PLGRKT: variants seen among roughly 807,000 people sequenced by gnomAD.
The protein encoded by PLGRKT is plasminogen receptor with a C-terminal lysine, also known as plasminogen receptor (KT).
A neutral mutation model predicts 18.5 loss-of-function variants in PLGRKT; 22 were observed. The ratio of observed to expected loss-of-function variants is 1.19; its 90% CI spans 0.85 to 1.70. The LOEUF is 1.70. PLGRKT is among the 40% of genes most tolerant of loss of function. The probability of loss-of-function intolerance (pLI) is 0.00; values close to 1 mark genes in which losing one functional copy is unlikely to be tolerated. For synonymous variants in PLGRKT, 72 were observed against 52.8 expected (o/e 1.36, Z -1.58); for missense variants, 235 against 174.4 (o/e 1.35, Z -1.96).
chr9:5,396,839 T>C (rs1818059032), intron 3 of PLGRKT, among the ~76,000 whole-genome samples: 1 of 151,976 alleles, frequency 6.6e-6, no homozygotes, highest in African/African-American at 2.4e-5. Context: ...TGGATAAATC[T>C]ACAACTCCAA....
intron 3 of PLGRKT, among the ~76,000 whole-genome samples, chr9:5,394,949 G>T (rs1818017521): frequency 6.6e-6 from 1 of 151,762 alleles, no homozygotes; most frequent in South Asian, 2.1e-4. Flanking sequence ...GTGGGCAGAG[G>T]GGCCCCCATT....
chr9:5,368,762 T>G (rs901370651), intron 3 of PLGRKT, among the ~76,000 whole-genome samples: 1 of 152,142 alleles, frequency 6.6e-6, no homozygotes, highest in Non-Finnish European at 1.5e-5. Flanking sequence ...AACGGATATA[T>G]AGACCAATGG....
At chr9:5,367,769 C>T (rs746815501) in intron 3 of PLGRKT, among the ~76,000 whole-genome samples, 43 of 151,730 alleles carry the variant, frequency 2.8e-4, no homozygotes, top group Non-Finnish European at 1.6e-4. Flanking sequence ...GAGCTTCTGC[C>T]CAACAACAAC....
chr9:5,411,894 A>G (rs73397140), intron 3 of PLGRKT, among the ~76,000 whole-genome samples: 5,917 of 152,322 alleles, frequency 0.039, 395 homozygotes, highest in African/African-American at 0.14. Flanking sequence ...AAATAAACTT[A>G]TAAGTTAATA....
intron 3 of PLGRKT, among the ~76,000 whole-genome samples, chr9:5,396,991 C>G (rs1188756079): frequency 6.6e-6 from 1 of 152,008 alleles, no homozygotes; most frequent in Non-Finnish European, 1.5e-5. Context: ...AAACATAAGA[C>G]TATTCTACTA....
At chr9:5,401,283 A>G (rs1175946671) in intron 3 of PLGRKT, among the ~76,000 whole-genome samples, 1 of 140,490 alleles carries the variant, frequency 7.1e-6, no homozygotes, top group African/African-American at 2.9e-5. Context: ...AATTTTAAAT[A>G]TAGGACGGGC....
At chr9:5,379,860 G>A (rs145130896) in intron 3 of PLGRKT, among the ~76,000 whole-genome samples, 4 of 152,284 alleles carry the variant, frequency 2.6e-5, no homozygotes, top group South Asian at 2.1e-4. Flanking sequence ...CTGTGTGATA[G>A]AAAATCTTCA....
chr9:5,431,710 A>G (rs1380915930), intron 3 of PLGRKT, among the ~76,000 whole-genome samples, 187 bp downstream of exon 3: 1 of 152,200 alleles, frequency 6.6e-6, no homozygotes, highest in Non-Finnish European at 1.5e-5. Flanking sequence ...ACACAAATTT[A>G]TCTGGATTGG....
intron 3 of PLGRKT, among the ~76,000 whole-genome samples, chr9:5,417,386 G>A (rs1818484182): frequency 6.6e-6 from 1 of 151,908 alleles, no homozygotes; most frequent in Admixed American, 6.6e-5. Flanking sequence ...AACTCAAAAT[G>A]GACCCAAGAC....
chr9:5,358,024 C>A lies in PLGRKT; in HGVS notation c.*215G>T. ...TTTACACTTAGATATTGGTAATGCA[C>A]ACAGAGAGAGGAAATCTAAAAGTTA... On this transcript the variant is annotated 3_prime_UTR_variant, in exon 6 of 6. Transcript: ENST00000223864. 1 of 403,398 alleles carries A rather than the reference C, an allele frequency of 2.5e-6. No individual in the cohort carries two copies. The highest frequency in any genetic ancestry group is 4.4e-6 in the Non-Finnish European group (1 of 227,002). 25.0% of individuals were successfully genotyped at this position (403,398 alleles called of 1,614,324 possible). A position where few individuals can be genotyped will look rare whatever the true frequency, so the allele number is the denominator to read the frequency against.
intron 3 of PLGRKT, among the ~76,000 whole-genome samples, chr9:5,393,318 T>G (rs7031716): frequency 1.3e-5 from 2 of 151,672 alleles, no homozygotes; most frequent in African/African-American, 2.4e-5. Flanking sequence ...TGTAATAATA[T>G]GAAATATATT....
intron 3 of PLGRKT, among the ~76,000 whole-genome samples, chr9:5,389,259 G>A (rs1431921707): frequency 3.9e-5 from 6 of 151,936 alleles, no homozygotes; most frequent in Admixed American, 1.3e-4. Flanking sequence ...GTCAGCAGGG[G>A]GGATGCTTGG....
chr9:5,374,772 A>G (rs1817595914), intron 3 of PLGRKT, among the ~76,000 whole-genome samples: 1 of 152,214 alleles, frequency 6.6e-6, no homozygotes, highest in South Asian at 2.1e-4. Flanking sequence ...ATTCATTTTT[A>G]GTTATCCATT....
chr9:5,418,100 A>G lies in PLGRKT; in HGVS notation c.81+13797T>C, dbSNP rs1397892122. Among the ~76,000 whole-genome samples, 1 of 152,218 alleles carries G rather than the reference A, an allele frequency of 6.6e-6. No individual in the cohort carries two copies. The highest frequency in any genetic ancestry group is 2.4e-5 in the African/African-American group (1 of 41,458). On this transcript the variant is annotated intron_variant, in intron 3 of 5. Coordinates refer to ENST00000223864, the MANE Select transcript of PLGRKT (RefSeq NM_018465.4). The surrounding 1 kb of genome is among the most constrained non-coding windows in gnomAD (Gnocchi z 4.2). The stretch of plus-strand genomic sequence containing the variant: ...ACGTGATTTTGAAAAATCAGAAATT[A>G]CAGTCCATTGAATACATGATTATGA...
Position 5,418,696 on chromosome 9 carries a change from G to C in PLGRKT, c.81+13201C>G. 1 of 663,792 alleles carries C rather than the reference G, an allele frequency of 1.5e-6. No individual in the cohort carries two copies. The highest frequency in any genetic ancestry group is 1.6e-5 in the South Asian group (1 of 60,954). The allele number at this position is 663,792 out of a possible 1,614,324, so 41.1% of individuals were successfully genotyped here. On this transcript the variant is annotated intron_variant, in intron 3 of 5. Transcript: ENST00000223864. This position sits in a 1 kb window ranked among gnomAD's most constrained non-coding sequence, Gnocchi z 4.2. ...GGGCAGCATGTAGCACCCACTGCCG[G>C]GAAGTCTGATGAAGACCGGCATGTG...
rs1294270973 is a variant in PLGRKT at position 5,388,558 on chromosome 9, C to T, written c.82-26670G>A. Among the ~76,000 whole-genome samples the T allele has an allele frequency of 2.0e-5, 3 of 151,944 alleles. No homozygotes were observed. The East Asian group carries it at 5.8e-4, about 29-fold the overall frequency. ...AACTGGCCTACTCTTTCACTCTTTC[C>T]CCAGCCCTTGAGGTTTTGACTTAAA... On this transcript the variant is annotated intron_variant, in intron 3 of 5. Coordinates refer to ENST00000223864, the MANE Select transcript of PLGRKT (RefSeq NM_018465.4).
At chr9:5,415,942 G>C (rs531707849) in intron 3 of PLGRKT, among the ~76,000 whole-genome samples, 23 of 123,626 alleles carry the variant, frequency 1.9e-4, no homozygotes, top group African/African-American at 7.5e-4. Context: ...GAAAAAACTG[G>C]TGAAATATCA....
intron 3 of PLGRKT, among the ~76,000 whole-genome samples, chr9:5,411,549 T>A (rs750989029): frequency 6.6e-6 from 1 of 152,038 alleles, no homozygotes; most frequent in Non-Finnish European, 1.5e-5. Flanking sequence ...CAGTAAGTGA[T>A]AGAGTCAGGT....
chr9:5,389,895 C>G (rs989728877), intron 3 of PLGRKT, among the ~76,000 whole-genome samples: 1 of 151,858 alleles, frequency 6.6e-6, no homozygotes, highest in African/African-American at 2.4e-5. Flanking sequence ...GAAAGCACAT[C>G]AGGAAACCTG....
Sources: allele counts gnomAD v4.1 joint callset (sites outside exome capture counted in the v4.1 genomes callset), GRCh38; gene constraint gnomAD v4.1.1; non-coding constraint Gnocchi (gnomAD v3.1); transcripts MANE v1.5; gene names NCBI Gene and HGNC (gene_info 2026-07-23, HGNC 2026-07-21).